Variants in CFAP47 observed in about 807,000 individuals in gnomAD.
The protein encoded by CFAP47 is cilia- and flagella-associated protein 47.
A neutral mutation model predicts 148.1 loss-of-function variants in CFAP47; 29 were observed. The observed-to-expected ratio is 0.20, with a 90% confidence interval of 0.15 to 0.27. The LOEUF is 0.27. CFAP47 is among the 10% of genes least tolerant of loss of function. The pLI is 1.00. For synonymous variants in CFAP47, 664 were observed against 577.3 expected, an observed-to-expected ratio of 1.15 and a Z score of -2.15; for missense variants, 1,872 against 1,697.5, an observed-to-expected ratio of 1.10 and a Z score of -1.81.
At chrX:36,285,808 C>A in intron 51 of CFAP47, 82 bp downstream of exon 51, 8 of 712,600 alleles carry the variant, frequency 1.1e-5, no homozygotes, top group Non-Finnish European at 1.7e-5. Flanking sequence ...TATTTACTAT[C>A]CCTTAAAAGG....
intron 24 of CFAP47, among the ~76,000 whole-genome samples, 183 bp downstream of exon 24, chrX:36,036,037 T>TA (rs1937334183): frequency 8.9e-6 from 1 of 111,769 alleles, no homozygotes; most frequent in African/African-American, 3.2e-5. Flanking sequence ...ACAAAGTTGG[T>TA]ATATATTCAA....
chrX:36,375,241 T>G (rs1394162886), intron 62 of CFAP47: 3 of 212,532 alleles, frequency 1.4e-5, no homozygotes, highest in East Asian at 2.5e-4. Context: ...CACGCAGTTA[T>G]GGGAACAAGA....
intron 60 of CFAP47, among the ~76,000 whole-genome samples, chrX:36,357,116 A>G (rs1248056084): frequency 9.0e-6 from 1 of 111,719 alleles, no homozygotes. Flanking sequence ...GAAGAAAGAG[A>G]AGGGTATGCT....
At position 36,148,393 on chromosome X, in the gene CFAP47, C is replaced by T. The variant is rs1939263763; in HGVS notation, c.5671-715C>T. ...CTTGAGGACATGCCCAAAGGTGGGGCCTAGTTAAAAAAAGAGTTCAGACAA... is the reference window on the plus strand; with the variant it reads ...CTTGAGGACATGCCCAAAGGTGGGGTCTAGTTAAAAAAAGAGTTCAGACAA... On this transcript the variant is annotated intron_variant, in intron 36 of 63. Transcript: ENST00000378653. Among the ~76,000 whole-genome samples, 3 of 111,041 alleles carry T rather than the reference C, an allele frequency of 2.7e-5. No homozygotes were observed. In the South Asian group the frequency reaches 1.1e-3, roughly 42 times the overall value.
At chrX:36,268,109 G>A (rs191611529) in intron 49 of CFAP47, among the ~76,000 whole-genome samples, 39 of 112,955 alleles carry the variant, frequency 3.5e-4, no homozygotes, top group South Asian at 2.5e-3. Context: ...TGTCACATAC[G>A]GCATTTTCTG....
chrX:36,349,550 A>T (rs1941726021), intron 58 of CFAP47, among the ~76,000 whole-genome samples: 1 of 112,133 alleles, frequency 8.9e-6, no homozygotes, highest in Non-Finnish European at 1.9e-5. Flanking sequence ...GGCATGAGCC[A>T]CCATATCTGG....
Position 35,989,143 on chromosome X carries a change from A to T in CFAP47, c.2714-176A>T, listed in dbSNP as rs1003782400. Among the ~76,000 whole-genome samples the T allele has an allele frequency of 3.6e-5, 4 of 112,351 alleles. No homozygotes were observed. In the Admixed American group the frequency reaches 3.8e-4, roughly 11 times the overall value. On this transcript the variant is annotated intron_variant, in intron 15 of 63. Coordinates refer to ENST00000378653, the MANE Select transcript of CFAP47 (RefSeq NM_001304548.2). ...ATTTTCTATTTTAATCAAACCCTAT[A>T]GGTCAATACTCATTTGATAATATCT...
At chrX:36,311,561 A>G (rs1022489720) in intron 56 of CFAP47, among the ~76,000 whole-genome samples, 4 of 111,128 alleles carry the variant, frequency 3.6e-5, no homozygotes, top group African/African-American at 1.3e-4. Flanking sequence ...TCTAATATTG[A>G]GCAGTACCAA....
chrX:36,235,556 A>C (rs1940448931), intron 46 of CFAP47, among the ~76,000 whole-genome samples: 2 of 111,942 alleles, frequency 1.8e-5, no homozygotes, highest in African/African-American at 6.5e-5. Flanking sequence ...GAACTCCCTG[A>C]CCTCTTGTGC....
intron 29 of CFAP47, among the ~76,000 whole-genome samples, chrX:36,077,269 G>A (rs780775100): frequency 3.0e-5 from 2 of 67,198 alleles, no homozygotes; most frequent in Admixed American, 2.0e-4. Flanking sequence ...GGTTACATAT[G>A]AATTTTAGAA....
At chrX:36,091,699 C>T (rs748338919) in intron 30 of CFAP47, among the ~76,000 whole-genome samples, 28 of 111,224 alleles carry the variant, frequency 2.5e-4, no homozygotes, top group Non-Finnish European at 4.9e-4. Context: ...AGGGCCATGT[C>T]AAACTTAACT....
intron 48 of CFAP47, among the ~76,000 whole-genome samples, chrX:36,243,266 T>C (rs923978783): frequency 3.4e-4 from 38 of 110,833 alleles, no homozygotes; most frequent in African/African-American, 1.2e-3. Context: ...ATAAAACAAC[T>C]GTGCAACCAA....
intron 57 of CFAP47, among the ~76,000 whole-genome samples, chrX:36,331,463 C>A (rs6632575): frequency 0.18 from 19,596 of 110,129 alleles, 1,356 homozygotes; most frequent in South Asian, 0.31. Flanking sequence ...ACTATAAATT[C>A]TCTCCTGAGT....
intron 57 of CFAP47, among the ~76,000 whole-genome samples, chrX:36,326,538 G>C (rs185765564): frequency 1.3e-4 from 14 of 111,933 alleles, no homozygotes; most frequent in Admixed American, 1.2e-3. Context: ...AGTCCAGGCT[G>C]AGGTGGTCTC....
intron 1 of CFAP47, among the ~76,000 whole-genome samples, chrX:35,924,269 ATG>A (rs1303760393): frequency 9.7e-6 from 1 of 103,543 alleles, no homozygotes; most frequent in Non-Finnish European, 1.9e-5. Flanking sequence ...GTATGTGTAC[ATG>A]TATGTGTATA....
At chrX:36,116,016 T>G (rs947036165) in intron 33 of CFAP47, among the ~76,000 whole-genome samples, 2 of 112,159 alleles carry the variant, frequency 1.8e-5, no homozygotes, top group African/African-American at 6.5e-5. Context: ...AAGTAGTATG[T>G]TAGACATTTT....
At chrX:36,128,896 A>AACTT (rs1938894157) in intron 33 of CFAP47, among the ~76,000 whole-genome samples, 1 of 110,566 alleles carries the variant, frequency 9.0e-6, no homozygotes, top group Non-Finnish European at 1.9e-5. Flanking sequence ...TGATTGCTTT[A>AACTT]ACTTACTTGA....
chrX:36,357,235 C>A (rs1941792858), intron 60 of CFAP47, among the ~76,000 whole-genome samples: 1 of 112,092 alleles, frequency 8.9e-6, no homozygotes, highest in Non-Finnish European at 1.9e-5. Flanking sequence ...AGATATTTTT[C>A]TCCTATACTT....
At chrX:36,207,203 G>C (rs1458158598) in intron 45 of CFAP47, among the ~76,000 whole-genome samples, 1 of 111,986 alleles carries the variant, frequency 8.9e-6, no homozygotes, top group Non-Finnish European at 1.9e-5. Flanking sequence ...TAGAAGATTA[G>C]AGTTATGTGT....
Sources: gnomAD v4.1 joint callset for allele counts (sites outside exome capture counted in the v4.1 genomes callset) on GRCh38, gnomAD v4.1.1 for gene constraint, MANE v1.5 for transcripts, NCBI Gene and HGNC (gene_info 2026-07-23, HGNC 2026-07-21) for gene names.